VPS26A: variants seen among roughly 807,000 people sequenced by gnomAD.
The protein encoded by VPS26A is VPS26 retromer complex component A.
A neutral mutation model predicts 42.4 loss-of-function variants in VPS26A; 22 were observed. The observed-to-expected ratio is 0.52, with a 90% CI of 0.37 to 0.74. VPS26A has a LOEUF of 0.74. Ranked by LOEUF, VPS26A falls within the 30% of genes least tolerant of loss-of-function variation. The probability of loss-of-function intolerance (pLI) is 0.00; values close to 1 mark genes in which losing one functional copy is unlikely to be tolerated. For synonymous variants in VPS26A, 110 were observed against 123.5 expected, an observed-to-expected ratio of 0.89 and a Z score of 0.73; for missense variants, 276 against 379.2, an observed-to-expected ratio of 0.73 and a Z score of 2.26.
At position 69,132,920 on chromosome 10, in the gene VPS26A, G is replaced by A; in HGVS notation, c.26G>A (p.Gly9Asp). 1 of 1,585,126 alleles carries A rather than the reference G, an allele frequency of 6.3e-7. No individual in the cohort carries two copies. Among genetic ancestry groups the A allele is most frequent in the Non-Finnish European group, 8.5e-7 (1 of 1,172,340 alleles). ...CAGAGTTTTCTTGGAGGCTTTTTTG[G>A]TCCAATTTGTGAGATCGATATTGTT... MSFLGGFFGPICEIDIVLN... is the reference protein window; with the variant it reads MSFLGGFFDPICEIDIVLN... The change falls in exon 2 of 9, where the codon GGT becomes GAT. Residue 9 changes from glycine (G) to aspartate (D), a missense_variant. Transcript: ENST00000263559.
At chr10:69,136,087 G>A (rs1212914849) in intron 2 of VPS26A, among the ~76,000 whole-genome samples, 1 of 152,056 alleles carries the variant, frequency 6.6e-6, no homozygotes, top group Non-Finnish European at 1.5e-5. Context: ...CATTTGAATT[G>A]TAGAGTTCTC....
rs140322882 is a variant in VPS26A at position 69,135,633 on chromosome 10, A to G, written c.153+2586A>G. On this transcript the variant is annotated intron_variant, in intron 2 of 8. Coordinates refer to ENST00000263559, the MANE Select transcript of VPS26A (RefSeq NM_004896.5). Reference sequence around the variant, plus strand: ...ACATTTTGGCATTGCTGGAAACCATACGTAGACCTGATCAACTATGGATAG... The same window carrying G: ...ACATTTTGGCATTGCTGGAAACCATGCGTAGACCTGATCAACTATGGATAG... Among the ~76,000 whole-genome samples, 30 of 152,250 alleles carry G rather than the reference A, an allele frequency of 2.0e-4. No homozygotes were observed. The East Asian group carries it at 5.6e-3, about 29-fold the overall frequency.
intron 5 of VPS26A, chr10:69,161,575 C>G (rs1276987028): frequency 4.2e-6 from 1 of 237,276 alleles, no homozygotes; most frequent in Non-Finnish European, 8.8e-6. Context: ...GCCTGAGACT[C>G]CTTGCCATAG....
chr10:69,163,813 G>T lies in VPS26A; in HGVS notation c.658+1301G>T, dbSNP rs1444872669. Among the ~76,000 whole-genome samples the T allele has an allele frequency of 8.2e-5, 12 of 146,708 alleles. No individual in the cohort carries two copies. The South Asian group carries it at 1.1e-3, about 13-fold the overall frequency. ...CGGAGTCTCGCTCTGTGGCCCAGGCGGGAGTGCAGTGGCGCAATCTCGGCT... is the reference window on the plus strand; with the variant it reads ...CGGAGTCTCGCTCTGTGGCCCAGGCTGGAGTGCAGTGGCGCAATCTCGGCT... On this transcript the variant is annotated intron_variant, in intron 6 of 8. Transcript: ENST00000263559.
intron 2 of VPS26A, among the ~76,000 whole-genome samples, chr10:69,151,283 A>AAAAAAAAAAC (rs59929053): frequency 8.2e-6 from 1 of 122,124 alleles, no homozygotes; most frequent in African/African-American, 3.5e-5. Context: ...AAAAAAAAAA[A>AAAAAAAAAAC]CACACACACA....
At chr10:69,163,764 TTC>T (rs1482507015) in intron 6 of VPS26A, among the ~76,000 whole-genome samples, 17 of 145,512 alleles carry the variant, frequency 1.2e-4, no homozygotes, top group Non-Finnish European at 1.8e-4. Context: ...ATTTTCAGTT[TTC>T]TTTTTTTTTT....
At chr10:69,135,060 G>C (rs1589346450) in intron 2 of VPS26A, among the ~76,000 whole-genome samples, 1 of 152,128 alleles carries the variant, frequency 6.6e-6, no homozygotes, top group South Asian at 2.1e-4. Context: ...AATGGGCTGG[G>C]GGCATAGGAA....
chr10:69,162,433 A>G lies in VPS26A; in HGVS notation c.579A>G (p.Gly193=). The G allele has an allele frequency of 1.3e-6, 2 of 1,543,728 alleles. No homozygotes were observed. Among genetic ancestry groups the G allele is most frequent in the Non-Finnish European group, 1.8e-6 (2 of 1,122,964 alleles). Residue 193 remains glycine (G), a synonymous_variant, in exon 6 of 9, where the codon GGA becomes GGG. Coordinates refer to ENST00000263559, the MANE Select transcript of VPS26A (RefSeq NM_004896.5). ...ATCATTTAAAGGATGTGATTGTTGG[A>G]AAAATTTACTTCTTATTAGTAAGAA... ...SKYHLKDVIV[G]KIYFLLVRIK...
At chr10:69,149,734 GTTTTTTTTTT>G (rs869048277) in intron 2 of VPS26A, among the ~76,000 whole-genome samples, 16 of 21,400 alleles carry the variant, frequency 7.5e-4, no homozygotes, top group African/African-American at 2.7e-4. Flanking sequence ...GGTGTTTTTT[GTTTTTTTTTT>G]TTTTTTTTTT....
At chr10:69,131,807 C>T (rs1428136325) in intron 1 of VPS26A, among the ~76,000 whole-genome samples, 2 of 152,156 alleles carry the variant, frequency 1.3e-5, no homozygotes, top group African/African-American at 4.8e-5. Context: ...GGAGACTGTT[C>T]TCTGTGTAAA....
chr10:69,160,017 A>G (rs1841516603), intron 5 of VPS26A, among the ~76,000 whole-genome samples: 1 of 152,052 alleles, frequency 6.6e-6, no homozygotes, highest in South Asian at 2.1e-4. Context: ...ATATCACTGA[A>G]TATGTAATAC....
At chr10:69,137,493 C>G (rs1271765106) in intron 2 of VPS26A, among the ~76,000 whole-genome samples, 1 of 152,112 alleles carries the variant, frequency 6.6e-6, no homozygotes, top group Admixed American at 6.6e-5. Flanking sequence ...CTGTCTGTTC[C>G]TATAGGTTGC....
In VPS26A at chr10:69,139,442, T is replaced by C. The variant is rs190059767; in HGVS notation, c.153+6395T>C. Among the ~76,000 whole-genome samples, 1,055 of 152,244 alleles carry C rather than the reference T, an allele frequency of 6.9e-3. 10 individuals are homozygous for C. Among genetic ancestry groups the C allele is most frequent in the African/African-American group, 0.024 (999 of 41,534 alleles). Reference sequence around the variant, plus strand: ...CCTCAGCCTCCCAAGTAGCTGGGACTACAGGTGCCCACCACCATGTCTGGC... The same window carrying C: ...CCTCAGCCTCCCAAGTAGCTGGGACCACAGGTGCCCACCACCATGTCTGGC... On this transcript the variant is annotated intron_variant, in intron 2 of 8. Coordinates refer to ENST00000263559, the MANE Select transcript of VPS26A (RefSeq NM_004896.5).
chr10:69,146,218 C>G (rs1038044402), intron 2 of VPS26A, among the ~76,000 whole-genome samples: 3 of 152,124 alleles, frequency 2.0e-5, no homozygotes, highest in African/African-American at 7.2e-5. Context: ...CCTCAGCCTT[C>G]CGAGTAGCTG....
chr10:69,151,043 A>G (rs1489359527), intron 2 of VPS26A, among the ~76,000 whole-genome samples: 3 of 151,894 alleles, frequency 2.0e-5, no homozygotes, highest in Non-Finnish European at 4.4e-5. Context: ...AGGCAGGCAG[A>G]TCAAGAGGTC....
intron 2 of VPS26A, among the ~76,000 whole-genome samples, chr10:69,144,636 T>C (rs1173992325): frequency 6.6e-6 from 1 of 152,190 alleles, no homozygotes; most frequent in Non-Finnish European, 1.5e-5. Context: ...TGCCAAATCA[T>C]ATTCCATTGT....
intron 2 of VPS26A, 112 bp downstream of exon 2, chr10:69,133,159 T>C: frequency 8.7e-7 from 1 of 1,145,914 alleles, no homozygotes; most frequent in African/African-American, 1.6e-5. Flanking sequence ...GAGAGATTTT[T>C]TTTTCCCTAA....
In VPS26A at chr10:69,173,872, C is replaced by T. The variant is rs1021305316; in HGVS notation, c.*2603C>T. ...ATTAGTCGGGCGTGGTGGCACATGCCTGTAATCCCAGCTACTAGGGAGGCT... is the reference window on the plus strand; with the variant it reads ...ATTAGTCGGGCGTGGTGGCACATGCTTGTAATCCCAGCTACTAGGGAGGCT... On this transcript the variant is annotated 3_prime_UTR_variant, in exon 9 of 9. Transcript: ENST00000263559. 2.0e-5 allele frequency among the ~76,000 whole-genome samples: 3 copies of T among 151,140 alleles called. No homozygotes were observed. Among genetic ancestry groups the T allele is most frequent in the African/African-American group, 4.9e-5 (2 of 41,060 alleles).
chr10:69,128,067 A>T (rs943244686), intron 1 of VPS26A, among the ~76,000 whole-genome samples: 1 of 140,248 alleles, frequency 7.1e-6, no homozygotes, highest in South Asian at 2.1e-4. Context: ...AGTTTTTCAC[A>T]TATTTTTAAT....
Sources: allele counts gnomAD v4.1 joint callset (sites outside exome capture counted in the v4.1 genomes callset), GRCh38; gene constraint gnomAD v4.1.1; transcripts MANE v1.5; gene names NCBI Gene and HGNC (gene_info 2026-07-23, HGNC 2026-07-21).